NEXMIF: variants seen among roughly 807,000 people sequenced by gnomAD.
NEXMIF encodes the protein XLMR protein related to neurite extension.
A neutral mutation model predicts 62.1 loss-of-function variants in NEXMIF; 8 were observed. That is an observed-to-expected ratio of 0.13 (90% CI 0.08 to 0.23). The LOEUF is 0.23. NEXMIF is among the 10% of genes least tolerant of loss of function. The pLI is 1.00. For synonymous variants in NEXMIF, 404 were observed against 416.6 expected (o/e 0.97, Z 0.37); for missense variants, 976 against 1,113.3 (o/e 0.88, Z 1.75).
chrX:74,811,252 G>A (rs1419368968), intron 1 of NEXMIF, among the ~76,000 whole-genome samples: 2 of 111,574 alleles, frequency 1.8e-5, no homozygotes, highest in Non-Finnish European at 3.8e-5. Flanking sequence ...CCTCAGCCTG[G>A]CAATAAAGGT....
At chrX:74,821,276 T>G (rs1204187541) in intron 1 of NEXMIF, among the ~76,000 whole-genome samples, 2 of 111,380 alleles carry the variant, frequency 1.8e-5, no homozygotes, top group Non-Finnish European at 3.8e-5. Context: ...GACATAAAAG[T>G]AAAGAACATT....
At chrX:74,871,091 G>A (rs1602257821) in intron 1 of NEXMIF, among the ~76,000 whole-genome samples, 1 of 112,132 alleles carries the variant, frequency 8.9e-6, no homozygotes, top group Non-Finnish European at 1.9e-5. Flanking sequence ...TAGATGAATA[G>A]ATACAGAAAA....
At chrX:74,894,863 A>G (rs2080728202) in intron 1 of NEXMIF, among the ~76,000 whole-genome samples, 1 of 112,456 alleles carries the variant, frequency 8.9e-6, no homozygotes, top group Non-Finnish European at 1.9e-5. Context: ...ACACACAGCT[A>G]GTATCACACT....
At chrX:74,875,204 G>T (rs1182661877) in intron 1 of NEXMIF, among the ~76,000 whole-genome samples, 1 of 110,810 alleles carries the variant, frequency 9.0e-6, no homozygotes, top group Non-Finnish European at 1.9e-5. Context: ...TTAGCATGAA[G>T]GGTTGTTGAA....
chrX:74,796,170 ATT>A (rs2080307498), intron 1 of NEXMIF, among the ~76,000 whole-genome samples: 4 of 73,981 alleles, frequency 5.4e-5, no homozygotes, highest in African/African-American at 2.2e-4. Context: ...TATTATATAT[ATT>A]ATATATATAC....
intron 1 of NEXMIF, among the ~76,000 whole-genome samples, chrX:74,852,320 C>A (rs1016865286): frequency 9.0e-6 from 1 of 111,287 alleles, no homozygotes; most frequent in Non-Finnish European, 1.9e-5. Flanking sequence ...ATATGTAAAG[C>A]AAATATTTTT....
chrX:74,923,992 A>G, intron 1 of NEXMIF, among the ~76,000 whole-genome samples: 1 of 112,171 alleles, frequency 8.9e-6, no homozygotes, highest in Admixed American at 9.3e-5. Context: ...ATTTTTTTTT[A>G]ACTTCGAAAA....
At chrX:74,751,720 T>TTCCTTCCC (rs1478528605) in intron 1 of NEXMIF, among the ~76,000 whole-genome samples, 1 of 85,499 alleles carries the variant, frequency 1.2e-5, no homozygotes, top group Non-Finnish European at 2.3e-5. Flanking sequence ...CTTTCCTTCC[T>TTCCTTCCC]TCCTTCCCTC....
At chrX:74,844,285 G>A (rs917423442) in intron 1 of NEXMIF, among the ~76,000 whole-genome samples, 2 of 111,300 alleles carry the variant, frequency 1.8e-5, no homozygotes, top group Non-Finnish European at 3.8e-5. Context: ...GTAGAATCTT[G>A]CAGGAGTTCT....
chrX:74,824,815 A>T (rs1029809905), intron 1 of NEXMIF, among the ~76,000 whole-genome samples: 12 of 109,619 alleles, frequency 1.1e-4, no homozygotes, highest in South Asian at 4.0e-4. Flanking sequence ...CGCCCAGCTA[A>T]TTTTTTTTAT....
At chrX:74,817,561 C>T (rs1378374221) in intron 1 of NEXMIF, among the ~76,000 whole-genome samples, 1 of 112,044 alleles carries the variant, frequency 8.9e-6, no homozygotes, top group Non-Finnish European at 1.9e-5. Context: ...ATCCTTGCCT[C>T]CTGAAAATAG....
chrX:74,852,409 A>G (rs1296213145), intron 1 of NEXMIF, among the ~76,000 whole-genome samples: 1 of 112,075 alleles, frequency 8.9e-6, no homozygotes, highest in Non-Finnish European at 1.9e-5. Flanking sequence ...AAGACAGATC[A>G]TCTAAACAGA....
intron 1 of NEXMIF, among the ~76,000 whole-genome samples, chrX:74,765,871 C>CA (rs755196904): frequency 0.097 from 2,804 of 28,912 alleles, 59 homozygotes; most frequent in South Asian, 0.18. Flanking sequence ...ACTGAAAATA[C>CA]AAAAAAAAAA....
At chrX:74,902,943 T>G (rs2080753556) in intron 1 of NEXMIF, among the ~76,000 whole-genome samples, 1 of 111,176 alleles carries the variant, frequency 9.0e-6, no homozygotes, top group Non-Finnish European at 1.9e-5. Context: ...TCTGCCCAGT[T>G]TGAAGGGTAA....
Position 74,882,389 on chromosome X carries a change from T to C in NEXMIF, c.-48+42494A>G, listed in dbSNP as rs368297845. On this transcript the variant is annotated intron_variant, in intron 1 of 3. Coordinates refer to ENST00000055682, the MANE Select transcript of NEXMIF (RefSeq NM_001008537.3). ...AAGTGCAAAGGGTCAGGGAATTCCC[T>C]TTCCTAGTCAAAGAAAGGGGTGACA... 1.1e-4 allele frequency among the ~76,000 whole-genome samples: 12 copies of C among 112,241 alleles called. No individual in the cohort carries two copies. In the East Asian group the frequency reaches 3.4e-3, roughly 32 times the overall value.
At chrX:74,890,436 A>G (rs2080713957) in intron 1 of NEXMIF, among the ~76,000 whole-genome samples, 1 of 111,043 alleles carries the variant, frequency 9.0e-6, no homozygotes, top group African/African-American at 3.3e-5. Context: ...GGTCTGAAAG[A>G]ATATTAAGGA....
intron 1 of NEXMIF, among the ~76,000 whole-genome samples, chrX:74,797,896 T>G (rs1157578656): frequency 8.9e-6 from 1 of 112,506 alleles, no homozygotes; most frequent in Non-Finnish European, 1.9e-5. Flanking sequence ...AGGATGGAAC[T>G]GTGCATGGCA....
chrX:74,873,066 T>C (rs1162478889), intron 1 of NEXMIF, among the ~76,000 whole-genome samples: 2 of 110,174 alleles, frequency 1.8e-5, no homozygotes, highest in East Asian at 5.7e-4. Flanking sequence ...TGTATACATG[T>C]GCCATGCTGG....
chrX:74,921,325 C>T (rs1007338498), intron 1 of NEXMIF, among the ~76,000 whole-genome samples: 1 of 110,968 alleles, frequency 9.0e-6, no homozygotes, highest in Non-Finnish European at 1.9e-5. Flanking sequence ...TTTCCCCAAC[C>T]CTCCACTTTC....
Sources: gnomAD v4.1 joint callset for allele counts (sites outside exome capture counted in the v4.1 genomes callset) on GRCh38, gnomAD v4.1.1 for gene constraint, MANE v1.5 for transcripts, NCBI Gene and HGNC (gene_info 2026-07-23, HGNC 2026-07-21) for gene names.